The following CTNNA3 variants were observed in gnomAD, a reference collection of about 807,000 sequenced individuals.
The protein encoded by CTNNA3 is catenin alpha-3.
CTNNA3 carries 76 observed loss-of-function variants against 95.7 expected under a neutral mutation model. That is an observed-to-expected ratio of 0.79 (90% CI 0.66 to 0.96). CTNNA3 has a LOEUF of 0.96. Ranked by LOEUF, CTNNA3 falls within the 40% of genes least tolerant of loss-of-function variation. CTNNA3 has a pLI of 0.00. For missense variants in CTNNA3, 1,191 were observed against 1,089.8 expected (o/e 1.09, Z -1.31); for synonymous variants, 431 against 374.4 (o/e 1.15, Z -1.74).
chr10:66,892,375 C>G (rs1274391956), intron 7 of CTNNA3, among the ~76,000 whole-genome samples: 2 of 151,976 alleles, frequency 1.3e-5, no homozygotes, highest in Admixed American at 6.6e-5. Context: ...AGTGCAATTT[C>G]CCTCCCGGAA....
Position 67,276,066 on chromosome 10 carries a change from G to A in CTNNA3, c.580-56196C>T, listed in dbSNP as rs180966972. Reference sequence around the variant, plus strand: ...TTAAAAATGTTCAGATAATACTAACGGGGCTTCATAAGAATATCACCAAAA... The same window carrying A: ...TTAAAAATGTTCAGATAATACTAACAGGGCTTCATAAGAATATCACCAAAA... On this transcript the variant is annotated intron_variant, in intron 5 of 17. Coordinates refer to ENST00000433211, the MANE Select transcript of CTNNA3 (RefSeq NM_013266.4). Among the ~76,000 whole-genome samples, 43 of 152,156 alleles carry A rather than the reference G, an allele frequency of 2.8e-4. No homozygotes were observed. The East Asian group carries it at 6.4e-3, about 23-fold the overall frequency.
intron 7 of CTNNA3, among the ~76,000 whole-genome samples, chr10:66,866,687 A>C (rs2132427447): frequency 6.6e-6 from 1 of 152,306 alleles, no homozygotes; most frequent in Non-Finnish European, 1.5e-5. Flanking sequence ...AGGTATTATA[A>C]ATTTTCTGGC....
chr10:66,387,102 T>C (rs1674948792), intron 11 of CTNNA3, among the ~76,000 whole-genome samples: 1 of 152,154 alleles, frequency 6.6e-6, no homozygotes, highest in Non-Finnish European at 1.5e-5. Context: ...AAATGGGATC[T>C]AATTAAACTG....
chr10:66,769,597 G>T (rs907952772), intron 8 of CTNNA3, among the ~76,000 whole-genome samples: 1 of 152,136 alleles, frequency 6.6e-6, no homozygotes, highest in Non-Finnish European at 1.5e-5. Flanking sequence ...TGCCTTCCTT[G>T]TGTCTCTTTG....
At chr10:66,129,013 C>G (rs367778849) in intron 13 of CTNNA3, among the ~76,000 whole-genome samples, 2 of 152,032 alleles carry the variant, frequency 1.3e-5, no homozygotes, top group African/African-American at 4.8e-5. Context: ...GCCTGAAATC[C>G]CAGCACTTTG....
At chr10:66,911,971 T>A (rs1029336461) in intron 7 of CTNNA3, among the ~76,000 whole-genome samples, 1 of 152,190 alleles carries the variant, frequency 6.6e-6, no homozygotes, top group South Asian at 2.1e-4. Flanking sequence ...AACACAATGA[T>A]TGAAAATTGA....
chr10:66,412,745 C>T (rs1025472709), intron 11 of CTNNA3, among the ~76,000 whole-genome samples: 3 of 151,992 alleles, frequency 2.0e-5, no homozygotes, highest in African/African-American at 2.4e-5. Context: ...AGGCATTAGT[C>T]ACCGCGCCTG....
intron 7 of CTNNA3, among the ~76,000 whole-genome samples, chr10:67,108,450 G>T (rs939357503): frequency 6.6e-6 from 1 of 151,756 alleles, no homozygotes; most frequent in African/African-American, 2.4e-5. Flanking sequence ...ATGATATTTT[G>T]ATATTTTTAA....
chr10:67,262,607 C>T (rs192981503), intron 5 of CTNNA3, among the ~76,000 whole-genome samples: 1 of 152,148 alleles, frequency 6.6e-6, no homozygotes, highest in Non-Finnish European at 1.5e-5. Context: ...TCATAAAAAC[C>T]GAAACCGCTT....
At chr10:67,636,483 T>C (rs1839316418) in intron 2 of CTNNA3, among the ~76,000 whole-genome samples, 1 of 152,066 alleles carries the variant, frequency 6.6e-6, no homozygotes, top group Admixed American at 6.6e-5. Flanking sequence ...CGTAGACCAA[T>C]GGAACAGAAT....
At chr10:66,402,126 AT>A (rs2093026192) in intron 11 of CTNNA3, among the ~76,000 whole-genome samples, 1 of 152,202 alleles carries the variant, frequency 6.6e-6, no homozygotes, top group Admixed American at 6.5e-5. Flanking sequence ...GTTCAATATA[AT>A]GGTTATTATT....
chr10:67,155,651 T>C (rs1478094853), intron 7 of CTNNA3, among the ~76,000 whole-genome samples: 1 of 152,148 alleles, frequency 6.6e-6, no homozygotes, highest in Non-Finnish European at 1.5e-5. Context: ...TGTGTTATAA[T>C]TGTTTTATCC....
At chr10:66,749,073 G>A (rs1025423094) in intron 9 of CTNNA3, among the ~76,000 whole-genome samples, 16 of 151,168 alleles carry the variant, frequency 1.1e-4, no homozygotes, top group African/African-American at 3.9e-4. Context: ...AGTCCCAGCT[G>A]TCACCTGTAG....
At chr10:66,607,609 A>G (rs1375541288) in intron 10 of CTNNA3, among the ~76,000 whole-genome samples, 2 of 152,078 alleles carry the variant, frequency 1.3e-5, no homozygotes, top group Non-Finnish European at 2.9e-5. Flanking sequence ...CAAATGCATG[A>G]TGATCAAGGA....
chr10:66,126,823 A>G (rs560859993), intron 13 of CTNNA3, among the ~76,000 whole-genome samples: 1 of 152,320 alleles, frequency 6.6e-6, no homozygotes, highest in Non-Finnish European at 1.5e-5. Context: ...AATAAATTGA[A>G]GAACATATAC....
intron 15 of CTNNA3, among the ~76,000 whole-genome samples, chr10:66,042,274 ATT>A (rs1276233131): frequency 6.6e-6 from 1 of 152,110 alleles, no homozygotes; most frequent in African/African-American, 2.4e-5. Flanking sequence ...AACTTTCTAT[ATT>A]TTTAAAAATT....
chr10:66,051,341 T>C (rs2079954526), intron 15 of CTNNA3, among the ~76,000 whole-genome samples: 1 of 152,228 alleles, frequency 6.6e-6, no homozygotes, highest in Admixed American at 6.5e-5. Context: ...AATGAGCACA[T>C]GAATGAACAA....
At chr10:66,414,792 A>G (rs7088439) in intron 11 of CTNNA3, among the ~76,000 whole-genome samples, 17,841 of 152,078 alleles carry the variant, frequency 0.12, 1,516 homozygotes, top group African/African-American at 0.24. Context: ...CAACCAGGGT[A>G]TGGGATGCCA....
intron 7 of CTNNA3, among the ~76,000 whole-genome samples, chr10:66,942,972 G>A (rs1230417230): frequency 1.3e-5 from 2 of 152,200 alleles, no homozygotes; most frequent in African/African-American, 2.4e-5. Flanking sequence ...CAGGCACATA[G>A]GTTGACTTTT....
Sources: gnomAD v4.1 joint callset for allele counts (sites outside exome capture counted in the v4.1 genomes callset) on GRCh38, gnomAD v4.1.1 for gene constraint, MANE v1.5 for transcripts, NCBI Gene and HGNC (gene_info 2026-07-23, HGNC 2026-07-21) for gene names.